Variants in CHFR observed in about 807,000 individuals in gnomAD.
CHFR encodes E3 ubiquitin-protein ligase CHFR.
In CHFR, 57 loss-of-function variants were observed where a neutral mutation model predicts 87.6. That is an observed-to-expected ratio of 0.65 (90% CI 0.53 to 0.81). CHFR has a LOEUF of 0.81. Among genes scored for constraint, CHFR ranks in the 30% least tolerant of loss-of-function variants. The probability of loss-of-function intolerance (pLI) is 0.00; values close to 1 mark genes in which losing one functional copy is unlikely to be tolerated. For missense variants in CHFR, 797 were observed against 865.8 expected, an observed-to-expected ratio of 0.92 and a Z score of 1.00; for synonymous variants, 381 against 359.2, an observed-to-expected ratio of 1.06 and a Z score of -0.69.
chr12:132,880,045 G>A (rs1185745376), intron 2 of CHFR, among the ~76,000 whole-genome samples: 1 of 152,150 alleles, frequency 6.6e-6, no homozygotes, highest in African/African-American at 2.4e-5. Context: ...ATCCCAGAGG[G>A]CTTGTAGACA....
chr12:132,885,206 G>A (rs949779990), intron 2 of CHFR, among the ~76,000 whole-genome samples: 1 of 151,756 alleles, frequency 6.6e-6, no homozygotes, highest in Non-Finnish European at 1.5e-5. Context: ...TCAGGAGATT[G>A]AGACCATCCT....
At chr12:132,845,450 T>C (rs1950796720) in intron 15 of CHFR, among the ~76,000 whole-genome samples, 1 of 144,508 alleles carries the variant, frequency 6.9e-6, no homozygotes. Flanking sequence ...ACAGCAAGAT[T>C]CCATCTCAAA....
intron 3 of CHFR, among the ~76,000 whole-genome samples, chr12:132,876,600 T>G (rs1034682448): frequency 6.6e-6 from 1 of 152,206 alleles, no homozygotes; most frequent in East Asian, 1.9e-4. Context: ...GAAATCAAAC[T>G]TGAATAGGCT....
At chr12:132,847,907 AC>A in intron 14 of CHFR, 177 bp downstream of exon 14, 1 of 1,442,268 alleles carries the variant, frequency 6.9e-7, no homozygotes, top group Middle Eastern at 2.6e-4. Flanking sequence ...AAACAGACAA[AC>A]ACCAATGGCA....
chr12:132,862,421 C>T, intron 6 of CHFR: 1 of 450,512 alleles, frequency 2.2e-6, no homozygotes, highest in Admixed American at 2.4e-5. Flanking sequence ...AGCAAGGCAC[C>T]ATCTCTACAA....
intron 11 of CHFR, among the ~76,000 whole-genome samples, chr12:132,852,630 G>A (rs1458683678): frequency 6.6e-6 from 1 of 152,240 alleles, no homozygotes; most frequent in East Asian, 1.9e-4. Flanking sequence ...ACCATGCAAA[G>A]GAAGGAGCTT....
At chr12:132,885,291 G>C (rs1351207681) in intron 2 of CHFR, among the ~76,000 whole-genome samples, 1 of 150,350 alleles carries the variant, frequency 6.7e-6, no homozygotes, top group Non-Finnish European at 1.5e-5. Context: ...GGCGCCTGTA[G>C]TCCCAGCTAC....
chr12:132,846,779 T>C (rs1176423333), intron 15 of CHFR, among the ~76,000 whole-genome samples: 3 of 150,978 alleles, frequency 2.0e-5, no homozygotes, highest in Non-Finnish European at 3.0e-5. Flanking sequence ...ACTCAGGAGG[T>C]TGATGCAGGA....
rs767497782 is a variant in CHFR at position 132,857,455 on chromosome 12, T to C, written c.1016A>G (p.Lys339Arg). The change falls in exon 9 of 18, where the codon AAA (lysine) becomes AGA (arginine). Residue 339 changes from lysine (K) to arginine (R), a missense_variant. By Grantham distance (26) the Lys-to-Arg change is conservative. This residue lies in a region of CHFR where 597 missense variants were observed against 601.2 expected (regional missense o/e 0.99). Transcript: ENST00000450056. ...CACGAGGTTGTTGAGGATGTGGTTT[T>C]TACAGATCCGCTCCACGGGACAGCG... ...TCRCPVERIC[K>R]NHILNNLVEA... The C allele has an allele frequency of 3.1e-6, 5 of 1,614,178 alleles. No individual in the cohort carries two copies. The highest frequency in any genetic ancestry group is 3.4e-6 in the Non-Finnish European group (4 of 1,180,020).
chr12:132,876,158 A>T (rs1951627414), intron 3 of CHFR, among the ~76,000 whole-genome samples: 1 of 150,372 alleles, frequency 6.7e-6, no homozygotes, highest in Admixed American at 6.6e-5. Flanking sequence ...CCTGCAACAC[A>T]GTGAAACTCC....
At chr12:132,848,184 G>A (rs1234490422) in intron 13 of CHFR, 29 bp from the exon 14 acceptor site, 2 of 1,614,012 alleles carry the variant, frequency 1.2e-6, no homozygotes, top group Admixed American at 1.7e-5. Flanking sequence ...AATGTTACCT[G>A]TTTATAATGA....
In CHFR at chr12:132,869,726, C is replaced by A. The variant is rs1462519990; in HGVS notation, c.476G>T (p.Cys159Phe). The A allele has an allele frequency of 4.5e-6, 7 of 1,551,700 alleles. No homozygotes were observed. The highest frequency in any genetic ancestry group is 6.1e-6 in the Non-Finnish European group (7 of 1,147,004). Residue 159 changes from cysteine to phenylalanine, a missense_variant, in exon 6 of 18, where the codon TGC becomes TTC. Coordinates refer to ENST00000450056, the MANE Select transcript of CHFR (RefSeq NM_001161346.2). ...VPPSSPATQV[C>F]FEEPQPSTST... ...TGTTGATGGCTGTGGTTCCTCAAAG[C>A]ACACCTGAGTGGCGGGCGACGACGG...
intron 9 of CHFR, 30 bp from the exon 10 acceptor site, chr12:132,856,660 C>T (rs760466476): frequency 1.9e-6 from 3 of 1,609,830 alleles, no homozygotes; most frequent in South Asian, 2.2e-5. Context: ...GCGCCATTCA[C>T]CGGCAGTGAG....
chr12:132,843,716 T>C (rs1365096126), intron 16 of CHFR, among the ~76,000 whole-genome samples: 1 of 151,548 alleles, frequency 6.6e-6, no homozygotes, highest in Non-Finnish European at 1.5e-5. Flanking sequence ...CCTGCAATCC[T>C]AGCACTTTGG....
Position 132,835,732 on chromosome 12 carries a change from C to G in CHFR, c.*5822G>C. 1 of 254,698 alleles carries G rather than the reference C, an allele frequency of 3.9e-6. No individual in the cohort carries two copies. The highest frequency in any genetic ancestry group is 5.2e-5 in the Admixed American group (1 of 19,050). 15.8% of individuals were successfully genotyped at this position (254,698 alleles called of 1,614,324 possible). A position where few individuals can be genotyped will look rare whatever the true frequency, so the allele number is the denominator to read the frequency against. On this transcript the variant is annotated 3_prime_UTR_variant, in exon 18 of 18. Coordinates refer to ENST00000450056, the MANE Select transcript of CHFR (RefSeq NM_001161346.2). ...GCCGCCTGTTCTGCGGCGTTTTGAT[C>G]CAGCGGCCCAAGTGGACCCACATTC... is the stretch of plus-strand genomic sequence containing the variant.
At chr12:132,873,894 C>G (rs1202097565) in intron 3 of CHFR, among the ~76,000 whole-genome samples, 3 of 152,218 alleles carry the variant, frequency 2.0e-5, no homozygotes, top group Non-Finnish European at 4.4e-5. Flanking sequence ...CTCCTCACTG[C>G]TCTCAGGCTA....
In CHFR at chr12:132,834,184, C is replaced by T. The variant is rs1476568905; in HGVS notation, c.*7370G>A. 1 of 152,304 alleles carries T rather than the reference C, an allele frequency of 6.6e-6. No homozygotes were observed. Among genetic ancestry groups the T allele is most frequent in the African/African-American group, 2.4e-5 (1 of 41,444 alleles). 9.4% of individuals were successfully genotyped at this position (152,304 alleles called of 1,614,324 possible). ...GGCCTGGGGTCCCCACTGGAAACAG[C>T]TCTCTTTGACAACATGAATCTGGGA... On this transcript the variant is annotated 3_prime_UTR_variant, in exon 18 of 18. Coordinates refer to ENST00000450056, the MANE Select transcript of CHFR (RefSeq NM_001161346.2).
intron 12 of CHFR, among the ~76,000 whole-genome samples, chr12:132,850,964 C>CATATATATATATAT (rs55826641): frequency 6.6e-4 from 90 of 135,670 alleles, no homozygotes; most frequent in African/African-American, 2.1e-3. Context: ...TATGTGTGTG[C>CATATATATATATAT]ATATATATAT....
rs1034497317 is a variant in CHFR at position 132,837,423 on chromosome 12, A to C, written c.*4131T>G. On this transcript the variant is annotated 3_prime_UTR_variant, in exon 18 of 18. Transcript: ENST00000450056. ...AGTGCAAACACTCCTCCCAGGGCCC[A>C]TTCCAACCAGGCCAACTGAGCTGAG... 1 of 153,710 alleles carries C rather than the reference A, an allele frequency of 6.5e-6. No homozygotes were observed. The highest frequency in any genetic ancestry group is 1.4e-5 in the Non-Finnish European group (1 of 69,198). 9.5% of individuals were successfully genotyped at this position (153,710 alleles called of 1,614,324 possible). A position where few individuals can be genotyped will look rare whatever the true frequency, so the allele number is the denominator to read the frequency against.
Sources: gnomAD v4.1 joint callset for allele counts (sites outside exome capture counted in the v4.1 genomes callset) on GRCh38, gnomAD v4.1.1 for gene constraint, gnomAD v4.1.1 regional missense constraint, MANE v1.5 for transcripts, NCBI Gene and HGNC (gene_info 2026-07-23, HGNC 2026-07-21) for gene names.